Variants in ACOXL observed in about 807,000 individuals in gnomAD.
ACOXL encodes the protein acyl-coenzyme A oxidase-like protein.
In ACOXL, 70 loss-of-function variants were observed where a neutral mutation model predicts 71.9. The observed-to-expected ratio is 0.97, with a 90% CI of 0.80 to 1.19. ACOXL has a LOEUF of 1.19. Among genes scored for constraint, ACOXL ranks in the 50% most tolerant of loss-of-function variants. The pLI, the probability that ACOXL is intolerant of heterozygous loss-of-function variation, is 0.00. For synonymous variants in ACOXL, 253 were observed against 281.6 expected (o/e 0.90, Z 1.02); for missense variants, 703 against 736.3 (o/e 0.95, Z 0.52).
At chr2:110,902,391 A>G (rs998564895) in intron 10 of ACOXL, among the ~76,000 whole-genome samples, 2 of 152,230 alleles carry the variant, frequency 1.3e-5, no homozygotes, top group African/African-American at 4.8e-5. Flanking sequence ...AATCTCTTGA[A>G]CCCAGGAGAT....
intron 14 of ACOXL, among the ~76,000 whole-genome samples, chr2:111,014,794 T>G (rs2149683922): frequency 6.6e-6 from 1 of 152,340 alleles, no homozygotes; most frequent in East Asian, 1.9e-4. Flanking sequence ...AATGGAACAC[T>G]ACAGAGTCCA....
intron 15 of ACOXL, among the ~76,000 whole-genome samples, chr2:111,033,627 T>C (rs2065374453): frequency 6.6e-6 from 1 of 152,176 alleles, no homozygotes. Context: ...CTTTAAGAAA[T>C]TTATGTAAAC....
At chr2:110,988,857 TTGTGTGTG>T (rs70958753) in intron 13 of ACOXL, among the ~76,000 whole-genome samples, 1,465 of 143,466 alleles carry the variant, frequency 0.01, 28 homozygotes, top group African/African-American at 0.035. Flanking sequence ...CCTATTTTTA[TTGTGTGTG>T]TGTGTGTGTG....
At chr2:110,930,024 C>T (rs985577005) in intron 11 of ACOXL, among the ~76,000 whole-genome samples, 1 of 152,256 alleles carries the variant, frequency 6.6e-6, no homozygotes, top group Admixed American at 6.5e-5. Flanking sequence ...AGCCCCTACA[C>T]AGAGTCCCCA....
chr2:110,867,770 C>CT (rs996417274), intron 10 of ACOXL, among the ~76,000 whole-genome samples: 17 of 148,310 alleles, frequency 1.1e-4, no homozygotes, highest in South Asian at 2.2e-4. Context: ...TCAAAAATTG[C>CT]TTTTTTTTTT....
chr2:111,102,561 G>A lies in ACOXL; in HGVS notation c.1542+9595G>A, dbSNP rs551944792. Among the ~76,000 whole-genome samples, 83 of 152,202 alleles carry A rather than the reference G, an allele frequency of 5.5e-4. 2 individuals carry two copies. The South Asian group carries it at 0.017, about 32-fold the overall frequency. On this transcript the variant is annotated intron_variant, in intron 17 of 17. Transcript: ENST00000439055. ...AAATTGGGTGCCCTTCTCCGTGAGT[G>A]TCTTTGGGTTCATACCCTCGGTCCA...
intron 14 of ACOXL, among the ~76,000 whole-genome samples, chr2:110,998,902 A>G (rs980128787): frequency 6.6e-6 from 1 of 152,266 alleles, no homozygotes; most frequent in Non-Finnish European, 1.5e-5. Flanking sequence ...AAACAAATCT[A>G]ATTATATGCA....
intron 12 of ACOXL, among the ~76,000 whole-genome samples, chr2:110,971,610 C>G (rs933583150): frequency 1.1e-4 from 17 of 152,194 alleles, no homozygotes; most frequent in Admixed American, 5.2e-4. Context: ...AAAGAACATT[C>G]TTTCCATTGT....
intron 12 of ACOXL, among the ~76,000 whole-genome samples, chr2:110,944,529 T>C (rs2061022906): frequency 6.6e-6 from 1 of 152,180 alleles, no homozygotes; most frequent in South Asian, 2.1e-4. Flanking sequence ...CCCCAGTGTC[T>C]GTTGTTCCCT....
At chr2:110,784,238 A>G (rs951880766) in intron 2 of ACOXL, among the ~76,000 whole-genome samples, 2 of 151,990 alleles carry the variant, frequency 1.3e-5, no homozygotes, top group Non-Finnish European at 2.9e-5. Context: ...CCTGGGCAAC[A>G]TAGCGAGACC....
chr2:111,082,637 GT>G (rs2067986159), intron 16 of ACOXL, among the ~76,000 whole-genome samples: 1 of 151,690 alleles, frequency 6.6e-6, no homozygotes, highest in Admixed American at 6.6e-5. Flanking sequence ...CTAGATTCCA[GT>G]GATCTAGAAC....
chr2:110,879,259 G>A (rs564135933), intron 10 of ACOXL, among the ~76,000 whole-genome samples: 328 of 152,272 alleles, frequency 2.2e-3, no homozygotes, highest in African/African-American at 7.5e-3. Flanking sequence ...GAACTGAAGA[G>A]CAGGTTGCCC....
At chr2:110,756,966 C>T (rs765076903) in intron 1 of ACOXL, among the ~76,000 whole-genome samples, 6 of 151,988 alleles carry the variant, frequency 3.9e-5, no homozygotes, top group East Asian at 3.9e-4. Context: ...AAACGTGGGC[C>T]GTGGTGGTTT....
intron 13 of ACOXL, among the ~76,000 whole-genome samples, chr2:110,988,224 G>A (rs1225454597): frequency 6.6e-6 from 1 of 152,192 alleles, no homozygotes; most frequent in Non-Finnish European, 1.5e-5. Flanking sequence ...GATTGCTCAA[G>A]CCCAGGAGTT....
At chr2:110,854,000 G>A (rs187560637) in intron 10 of ACOXL, among the ~76,000 whole-genome samples, 1 of 151,624 alleles carries the variant, frequency 6.6e-6, no homozygotes, top group East Asian at 1.9e-4. Context: ...TGGACTAAAT[G>A]AGGGTAAAAG....
intron 15 of ACOXL, among the ~76,000 whole-genome samples, chr2:111,039,872 T>C (rs1346380183): frequency 6.6e-6 from 1 of 152,190 alleles, no homozygotes; most frequent in Non-Finnish European, 1.5e-5. Flanking sequence ...TGCAAGTAGG[T>C]TAGTCTGGAA....
At chr2:110,885,142 C>A (rs1312941917) in intron 10 of ACOXL, among the ~76,000 whole-genome samples, 3 of 152,048 alleles carry the variant, frequency 2.0e-5, no homozygotes, top group Non-Finnish European at 4.4e-5. Context: ...TTACCCAAAA[C>A]AACATAGAAG....
At chr2:110,975,214 A>T (rs2062390278) in intron 12 of ACOXL, among the ~76,000 whole-genome samples, 1 of 152,214 alleles carries the variant, frequency 6.6e-6, no homozygotes, top group Admixed American at 6.5e-5. Flanking sequence ...CAGAGAATGA[A>T]CAATCAAGCA....
At chr2:111,027,684 G>A (rs766606361) in intron 14 of ACOXL, among the ~76,000 whole-genome samples, 4 of 152,074 alleles carry the variant, frequency 2.6e-5, no homozygotes, top group South Asian at 2.1e-4. Flanking sequence ...ATCATATATC[G>A]TTATGGTTAT....
Sources: gnomAD v4.1 joint callset for allele counts (sites outside exome capture counted in the v4.1 genomes callset) on GRCh38, gnomAD v4.1.1 for gene constraint, MANE v1.5 for transcripts, NCBI Gene and HGNC (gene_info 2026-07-23, HGNC 2026-07-21) for gene names.